The following MYH11 variants were observed in gnomAD, a reference collection of about 807,000 sequenced individuals.
MYH11 encodes the protein myosin heavy chain 11, also known as myosin-11.
MYH11 carries 80 observed loss-of-function variants against 246.6 expected under a neutral mutation model. The observed-to-expected ratio is 0.32, with a 90% CI of 0.27 to 0.39. The LOEUF is 0.39. Among genes scored for constraint, MYH11 ranks in the 10% least tolerant of loss-of-function variants. The pLI is 1.00. For missense variants in MYH11, 2,158 were observed against 2,546.8 expected (o/e 0.85, Z 3.29); for synonymous variants, 1,071 against 1,015.5 (o/e 1.05, Z -1.04).
chr16:15,831,022 A>G (rs977430039), intron 2 of MYH11, among the ~76,000 whole-genome samples: 3 of 152,134 alleles, frequency 2.0e-5, no homozygotes, highest in Non-Finnish European at 4.4e-5. Flanking sequence ...AAATACAAAA[A>G]TCAGCTGGGT....
At chr16:15,854,411 T>C (rs2044408583) in intron 1 of MYH11, among the ~76,000 whole-genome samples, 1 of 152,236 alleles carries the variant, frequency 6.6e-6, no homozygotes, top group Admixed American at 6.5e-5. Flanking sequence ...TAGAAAGACC[T>C]AGATTTGTAG....
chr16:15,855,092 A>G (rs911832367), intron 1 of MYH11, among the ~76,000 whole-genome samples: 1 of 152,176 alleles, frequency 6.6e-6, no homozygotes, highest in African/African-American at 2.4e-5. Context: ...TCCCACGGAA[A>G]AGTAATGATA....
In MYH11 at chr16:15,808,497, G is replaced by A. The variant is rs117169794; in HGVS notation, c.503-9810C>T. On this transcript the variant is annotated intron_variant, in intron 3 of 40. Coordinates refer to ENST00000300036, the MANE Select transcript of MYH11 (RefSeq NM_002474.3). ...CTTCATCTCCCCACTCTACTCTCCCGGCAGAGTTGGTTAGGATGACATGCT... is the reference window on the plus strand; with the variant it reads ...CTTCATCTCCCCACTCTACTCTCCCAGCAGAGTTGGTTAGGATGACATGCT... Among the ~76,000 whole-genome samples, 10 of 152,230 alleles carry A rather than the reference G, an allele frequency of 6.6e-5. 1 individual carries two copies. The East Asian group carries it at 1.5e-3, about 24-fold the overall frequency.
At chr16:15,777,164 C>T (rs1238629010) in intron 7 of MYH11, among the ~76,000 whole-genome samples, 1 of 151,900 alleles carries the variant, frequency 6.6e-6, no homozygotes, top group Non-Finnish European at 1.5e-5. Flanking sequence ...GCTCTGTCAC[C>T]CAGGCTGGAG....
chr16:15,813,759 C>T (rs1433475695), intron 3 of MYH11, among the ~76,000 whole-genome samples: 1 of 150,506 alleles, frequency 6.6e-6, no homozygotes, highest in Non-Finnish European at 1.5e-5. Context: ...TAGGAAGGCA[C>T]AGGCATGAGG....
chr16:15,727,040 T>G lies in MYH11; in HGVS notation c.3666A>C (p.Leu1222=). The change falls in exon 28 of 41, where the codon CTA becomes CTC. Residue 1222 remains leucine (L), a synonymous_variant. Transcript: ENST00000300036. ...TCTCCAGCGTCTGCTTATTCTTGTC[T>G]AGGTTCGCCTTGGCCTGGCGAAGGA... ...LEQFKRAKAN[L]DKNKQTLEKE... is the part of the protein sequence containing the mutation. 6.2e-7 allele frequency: 1 copy of G among 1,611,694 alleles called. No individual in the cohort carries two copies. The highest frequency in any genetic ancestry group is 8.5e-7 in the Non-Finnish European group (1 of 1,178,824).
chr16:15,755,515 A>T (rs548814330), intron 14 of MYH11, among the ~76,000 whole-genome samples: 138 of 152,364 alleles, frequency 9.1e-4, no homozygotes, highest in African/African-American at 3.2e-3. Context: ...GAGGCCAGGT[A>T]CAGTGGCTCG....
At chr16:15,718,238 CG>C in intron 37 of MYH11, 76 bp downstream of exon 37, 2 of 1,599,492 alleles carry the variant, frequency 1.3e-6, no homozygotes, top group Non-Finnish European at 1.7e-6. Flanking sequence ...AGCCGCCACG[CG>C]TGTGTTGACT....
chr16:15,705,954 C>T (rs2039424939), intron 40 of MYH11, among the ~76,000 whole-genome samples: 1 of 124,610 alleles, frequency 8.0e-6, no homozygotes, highest in African/African-American at 3.3e-5. Context: ...CACTGCACTC[C>T]AGCCTAGGCG....
At chr16:15,725,947 CTG>C (rs1478083335) in intron 28 of MYH11, 1 of 362,752 alleles carries the variant, frequency 2.8e-6, no homozygotes, top group African/African-American at 2.1e-5. Context: ...CAACCCCACT[CTG>C]TACTATCTCC....
chr16:15,782,597 C>T, intron 5 of MYH11, 120 bp from the exon 6 acceptor site: 1 of 740,560 alleles, frequency 1.4e-6, no homozygotes, highest in Non-Finnish European at 2.4e-6. Flanking sequence ...TATCTCCTAC[C>T]TCCTCTTAGA....
At chr16:15,725,806 C>T (rs530110830) in intron 28 of MYH11, 2 of 398,144 alleles carry the variant, frequency 5.0e-6, no homozygotes, top group Admixed American at 8.8e-5. Flanking sequence ...GAAAGAAGAC[C>T]AAAGACAAAA....
intron 1 of MYH11, among the ~76,000 whole-genome samples, chr16:15,839,920 G>A (rs1432862047): frequency 6.6e-6 from 1 of 151,760 alleles, no homozygotes; most frequent in Admixed American, 6.6e-5. Flanking sequence ...GCATGGTGGT[G>A]CACACCTGTA....
intron 4 of MYH11, among the ~76,000 whole-genome samples, chr16:15,794,239 C>T (rs7193613): frequency 0.41 from 61,940 of 151,908 alleles, 13,574 homozygotes; most frequent in African/African-American, 0.58. Flanking sequence ...AGCCACAGTG[C>T]GCGGCCAATT....
chr16:15,752,373 C>A (rs934862716), intron 15 of MYH11, among the ~76,000 whole-genome samples: 5 of 151,962 alleles, frequency 3.3e-5, no homozygotes, highest in African/African-American at 1.2e-4. Context: ...ACACTGATGG[C>A]CAGGGACAAA....
Position 15,703,302 on chromosome 16 carries a change from A to G in MYH11, c.*689T>C. On this transcript the variant is annotated 3_prime_UTR_variant, in exon 41 of 41. Transcript: ENST00000300036. Reference sequence around the variant, plus strand: ...GTGTCTGAGGTGTGGAAACCAGGAGAGGGGGAAAGAATTCTCAAAGGCCTG... The same window carrying G: ...GTGTCTGAGGTGTGGAAACCAGGAGGGGGGGAAAGAATTCTCAAAGGCCTG... 1 of 227,488 alleles carries G rather than the reference A, an allele frequency of 4.4e-6. No individual in the cohort carries two copies. Among genetic ancestry groups the G allele is most frequent in the Non-Finnish European group, 8.8e-6 (1 of 114,040 alleles). The allele number at this position is 227,488 out of a possible 1,614,324, so 14.1% of individuals were successfully genotyped here.
chr16:15,739,319 T>G (rs2041207854), intron 23 of MYH11, among the ~76,000 whole-genome samples: 1 of 152,186 alleles, frequency 6.6e-6, no homozygotes, highest in Non-Finnish European at 1.5e-5. Flanking sequence ...CAGGCTGGTC[T>G]CCAACTCCTG....
chr16:15,721,286 G>A lies in MYH11; in HGVS notation c.4578+136C>T, dbSNP rs1192166776. 6 of 1,116,400 alleles carry A rather than the reference G, an allele frequency of 5.4e-6. No homozygotes were observed. In the African/African-American group the frequency reaches 6.2e-5, roughly 11 times the overall value. The allele number at this position is 1,116,400 out of a possible 1,614,324, so 69.2% of individuals were successfully genotyped here. Reference sequence around the variant, plus strand: ...TCAGCCCCTCCCAGCCCCTGCACCAGTCCAAAAACCTCCTTCCATTTCCGA... The same window carrying A: ...TCAGCCCCTCCCAGCCCCTGCACCAATCCAAAAACCTCCTTCCATTTCCGA... On this transcript the variant is annotated intron_variant, in intron 32 of 40. Coordinates refer to ENST00000300036, the MANE Select transcript of MYH11 (RefSeq NM_002474.3).
chr16:15,800,651 G>C (rs1308381115), intron 3 of MYH11, among the ~76,000 whole-genome samples: 1 of 151,228 alleles, frequency 6.6e-6, no homozygotes, highest in African/African-American at 2.4e-5. Context: ...ATGGGAATAT[G>C]AATGGGAGGA....
Sources: allele counts gnomAD v4.1 joint callset (sites outside exome capture counted in the v4.1 genomes callset), GRCh38; gene constraint gnomAD v4.1.1; transcripts MANE v1.5; gene names NCBI Gene and HGNC (gene_info 2026-07-23, HGNC 2026-07-21).